BASP1: variants seen among roughly 807,000 people sequenced by gnomAD.
BASP1 encodes the protein brain acid soluble protein 1.
Under a neutral mutation model 2.2 loss-of-function variants are expected in BASP1, and 1 was observed. That is an observed-to-expected ratio of 0.46 (90% CI 0.16 to 2.17). The LOEUF (loss-of-function observed/expected upper bound fraction) is 2.17, where lower values mean the gene tolerates loss of function less well. Ranked by LOEUF, BASP1 falls within the 30% of genes most tolerant of loss-of-function variation. The pLI is 0.27. For synonymous variants in BASP1, 187 were observed against 154.2 expected (o/e 1.21, Z -1.58); for missense variants, 352 against 327.2 (o/e 1.08, Z -0.58).
At chr5:17,266,003 G>A (rs1740409350) in intron 1 of BASP1, among the ~76,000 whole-genome samples, 1 of 152,192 alleles carries the variant, frequency 6.6e-6, no homozygotes, top group Non-Finnish European at 1.5e-5. Flanking sequence ...TGAAGAACAG[G>A]TCAGCTCAGT....
intron 1 of BASP1, among the ~76,000 whole-genome samples, chr5:17,266,479 C>T (rs562080937): frequency 1.3e-5 from 2 of 152,162 alleles, no homozygotes; most frequent in East Asian, 3.9e-4. Flanking sequence ...TTCACCATGG[C>T]CTCCTTGTTG....
intron 1 of BASP1, among the ~76,000 whole-genome samples, chr5:17,268,629 C>A (rs1029420202): frequency 2.0e-5 from 3 of 152,154 alleles, no homozygotes; most frequent in Admixed American, 6.5e-5. Flanking sequence ...ATAAACACAG[C>A]AGATGATCTG....
intron 1 of BASP1, among the ~76,000 whole-genome samples, chr5:17,231,842 T>C (rs1293910504): frequency 6.6e-6 from 1 of 152,224 alleles, no homozygotes; most frequent in Non-Finnish European, 1.5e-5. Flanking sequence ...TAACAATTTC[T>C]GATCCATACC....
intron 1 of BASP1, among the ~76,000 whole-genome samples, chr5:17,255,006 C>T (rs1190613810): frequency 3.3e-5 from 5 of 152,176 alleles, no homozygotes; most frequent in Non-Finnish European, 5.9e-5. Flanking sequence ...CTGCTTTCTT[C>T]GAACTGACGA....
rs1488079878 is a variant in BASP1, at chr5:17,275,530, A to T, written c.314A>T (p.Glu105Val). ...AAGGCTGAGCCCCCGAAGGCGCCCG[A>T]GCAGGAGCAGGCGGCCCCCGGCCCC... is the stretch of plus-strand genomic sequence containing the variant. ...EAKAEPPKAPEQEQAAPGPAA... is the reference protein window; with the variant it reads ...EAKAEPPKAPVQEQAAPGPAA... Residue 105 changes from glutamate (E) to valine (V), a missense_variant, in exon 2 of 2, where the codon GAG becomes GTG. By Grantham distance (121) the Glu-to-Val change is moderately radical. Coordinates refer to ENST00000322611, the MANE Select transcript of BASP1 (RefSeq NM_006317.5). The surrounding 1 kb of genome is among the most constrained non-coding windows in gnomAD (Gnocchi z 5.3). 1.3e-5 allele frequency: 19 copies of T among 1,426,996 alleles called. No homozygotes were observed. Among genetic ancestry groups the T allele is most frequent in the Non-Finnish European group, 1.6e-5 (17 of 1,095,324 alleles). 88.4% of individuals were successfully genotyped at this position (1,426,996 alleles called of 1,614,324 possible).
chr5:17,254,596 C>T (rs777402022), intron 1 of BASP1, among the ~76,000 whole-genome samples: 7 of 152,176 alleles, frequency 4.6e-5, no homozygotes, highest in Non-Finnish European at 7.3e-5. Flanking sequence ...CAGTTTGCAA[C>T]GGATCTGCAG....
At chr5:17,217,538 G>A (rs1739279640), upstream of BASP1, 1 of 140,374 alleles carries the variant, frequency 7.1e-6, no homozygotes, top group Non-Finnish European at 1.6e-5. Context: ...AGGGAGGCTG[G>A]GCGGGCGGAC....
intron 1 of BASP1, among the ~76,000 whole-genome samples, chr5:17,248,286 C>T (rs1414896308): frequency 1.3e-5 from 2 of 152,194 alleles, no homozygotes; most frequent in Non-Finnish European, 2.9e-5. Flanking sequence ...GGAGTAGCCT[C>T]TGTCGGTAGC....
chr5:17,265,150 G>T (rs965817168), intron 1 of BASP1, among the ~76,000 whole-genome samples: 2 of 152,178 alleles, frequency 1.3e-5, no homozygotes, highest in African/African-American at 4.8e-5. Flanking sequence ...ATATCATGGA[G>T]CACATGTGGT....
intron 1 of BASP1, among the ~76,000 whole-genome samples, chr5:17,221,451 G>A (rs1739392958): frequency 7.1e-6 from 1 of 141,746 alleles, no homozygotes; most frequent in Non-Finnish European, 1.5e-5. Context: ...ATCTGATTCT[G>A]TTGAAAGAAA....
intron 1 of BASP1, among the ~76,000 whole-genome samples, chr5:17,258,526 C>G (rs1056028973): frequency 2.6e-5 from 4 of 152,142 alleles, no homozygotes; most frequent in Non-Finnish European, 5.9e-5. Context: ...TTTTAACAAG[C>G]TTCTCAGATG....
intron 1 of BASP1, among the ~76,000 whole-genome samples, chr5:17,268,154 C>A (rs1357367117): frequency 1.3e-5 from 2 of 152,132 alleles, no homozygotes; most frequent in Admixed American, 1.3e-4. Flanking sequence ...TGGGAGGTAA[C>A]CACTGAGTCT....
intron 1 of BASP1, among the ~76,000 whole-genome samples, chr5:17,243,574 G>C (rs1006029446): frequency 7.2e-5 from 11 of 152,276 alleles, no homozygotes; most frequent in African/African-American, 2.4e-4. Flanking sequence ...CTCCATAAGG[G>C]TTGGCTGTTC....
chr5:17,269,748 G>A (rs1201191504), intron 1 of BASP1, among the ~76,000 whole-genome samples: 3 of 152,202 alleles, frequency 2.0e-5, no homozygotes, highest in African/African-American at 7.2e-5. Flanking sequence ...TTCTTCTGCA[G>A]GAAGTAGCAA....
intron 1 of BASP1, among the ~76,000 whole-genome samples, chr5:17,262,735 A>C (rs892439956): frequency 6.6e-5 from 10 of 151,976 alleles, no homozygotes; most frequent in Non-Finnish European, 1.3e-4. Context: ...ACTCTCATTT[A>C]TATTTTAATT....
intron 1 of BASP1, among the ~76,000 whole-genome samples, chr5:17,219,848 G>A (rs1430970582): frequency 6.6e-6 from 1 of 152,176 alleles, no homozygotes; most frequent in African/African-American, 2.4e-5. Context: ...AAATCTGATG[G>A]GGGCAGAAAG....
At chr5:17,222,015 G>A (rs1392385271) in intron 1 of BASP1, among the ~76,000 whole-genome samples, 1 of 151,906 alleles carries the variant, frequency 6.6e-6, no homozygotes, top group Non-Finnish European at 1.5e-5. Context: ...CAATTACACT[G>A]AAAGTGTTTT....
chr5:17,246,340 T>C (rs77601487), intron 1 of BASP1, among the ~76,000 whole-genome samples: 1 of 151,450 alleles, frequency 6.6e-6, no homozygotes, highest in Non-Finnish European at 1.5e-5. Flanking sequence ...AAAAAAAAAT[T>C]ACCTGGGAGT....
At position 17,275,958 on chromosome 5, in the gene BASP1, TC is replaced by T. The variant is rs1740649175; in HGVS notation, c.*59del. On this transcript the variant is annotated 3_prime_UTR_variant, in exon 2 of 2. Transcript: ENST00000322611. The surrounding 1 kb of genome is among the most constrained non-coding windows in gnomAD (Gnocchi z 5.3). ...TAAAACAATCTCCTCTCTCTCTCTC[TC>T]TCTCTCTCTCTATCTCTCTCTCTAT... 4 of 1,401,040 alleles carry T rather than the reference TC, an allele frequency of 2.9e-6. No homozygotes were observed. Among genetic ancestry groups the T allele is most frequent in the East Asian group, 5.1e-5 (2 of 39,178 alleles). The allele number at this position is 1,401,040 out of a possible 1,614,324, so 86.8% of individuals were successfully genotyped here.
Sources: gnomAD v4.1 joint callset for allele counts (sites outside exome capture counted in the v4.1 genomes callset) on GRCh38, gnomAD v4.1.1 for gene constraint, Gnocchi (gnomAD v3.1) non-coding constraint, MANE v1.5 for transcripts, NCBI Gene and HGNC (gene_info 2026-07-23, HGNC 2026-07-21) for gene names.